The following SLC19A3 variants were observed in gnomAD, a reference collection of about 807,000 sequenced individuals.
The protein encoded by SLC19A3 is thiamine transporter 2.
In SLC19A3, 31 loss-of-function variants were observed where a neutral mutation model predicts 40.2. The ratio of observed to expected loss-of-function variants is 0.77; its 90% CI spans 0.58 to 1.04. The LOEUF is 1.04. Among genes scored for constraint, SLC19A3 ranks in the 50% least tolerant of loss-of-function variants. SLC19A3 has a pLI of 0.00. For missense variants in SLC19A3, 592 were observed against 596.7 expected (o/e 0.99, Z 0.08); for synonymous variants, 212 against 227.5 (o/e 0.93, Z 0.61).
intron 1 of SLC19A3, chr2:227,714,334 G>T: frequency 1.4e-6 from 1 of 707,744 alleles, no homozygotes; most frequent in Non-Finnish European, 1.7e-6. Flanking sequence ...TGCCCGTAAC[G>T]CAAAGCTAGG....
chr2:227,687,625 A>G (rs1293533319), intron 5 of SLC19A3, 52 bp from the exon 6 acceptor site: 2 of 1,571,356 alleles, frequency 1.3e-6, no homozygotes, highest in Admixed American at 1.7e-5. Flanking sequence ...ATCTATGTCA[A>G]TGATAATACA....
chr2:227,695,447 G>A (rs113291979), intron 4 of SLC19A3: 6,323 of 184,616 alleles, frequency 0.034, 422 homozygotes, highest in African/African-American at 0.14. Flanking sequence ...TACAAAATAC[G>A]AAAAATTAGC....
chr2:227,687,448 A>T lies in SLC19A3; in HGVS notation c.1440T>A (p.Asp480Glu), dbSNP rs1695058030. The T allele has an allele frequency of 6.2e-7, 1 of 1,614,004 alleles. No individual in the cohort carries two copies. Among genetic ancestry groups the T allele is most frequent in the Admixed American group, 1.7e-5 (1 of 59,998 alleles). ...TACTCTCTTCCTCTGGGTGAGACACATCTGGATTCTCACTTGGAGCAGGGC... is the reference window on the plus strand; with the variant it reads ...TACTCTCTTCCTCTGGGTGAGACACTTCTGGATTCTCACTTGGAGCAGGGC... Reference protein sequence around the residue: ...VQSPAPSENPDVSHPEEESNI... With the variant: ...VQSPAPSENPEVSHPEEESNI... Residue 480 changes from aspartate (D) to glutamate (E), a missense_variant, in exon 6 of 6, where the codon GAT (aspartate) becomes GAA (glutamate). Physicochemically the swap from Asp to Glu is conservative, Grantham distance 45. Coordinates refer to ENST00000644224, the MANE Select transcript of SLC19A3 (RefSeq NM_025243.4).
intron 1 of SLC19A3, among the ~76,000 whole-genome samples, chr2:227,715,676 G>GGA (rs1445859743): frequency 6.6e-6 from 1 of 152,062 alleles, no homozygotes; most frequent in Non-Finnish European, 1.5e-5. Context: ...CTAGTCTTAG[G>GGA]GAGAGCAGGA....
chr2:227,706,521 A>C, intron 1 of SLC19A3: 2 of 1,184,522 alleles, frequency 1.7e-6, no homozygotes, highest in South Asian at 8.8e-5. Flanking sequence ...TTGTAATCCC[A>C]GCGCTTTGGG....
chr2:227,690,060 T>C (rs1200391783), intron 4 of SLC19A3, among the ~76,000 whole-genome samples: 1 of 151,960 alleles, frequency 6.6e-6, no homozygotes, highest in Non-Finnish European at 1.5e-5. Flanking sequence ...AAAATCACCT[T>C]CACTAAAAGG....
chr2:227,717,933 A>T lies in SLC19A3; in HGVS notation c.-3+10T>A. 1.0e-6 allele frequency: 1 copy of T among 985,348 alleles called. No individual in the cohort carries two copies. The highest frequency in any genetic ancestry group is 1.2e-6 in the Non-Finnish European group (1 of 829,946). The allele number at this position is 985,348 out of a possible 1,614,324, so 61.0% of individuals were successfully genotyped here. A position where few individuals can be genotyped will look rare whatever the true frequency, so the allele number is the denominator to read the frequency against. On this transcript the variant is annotated intron_variant, in intron 1 of 5. Coordinates refer to ENST00000644224, the MANE Select transcript of SLC19A3 (RefSeq NM_025243.4). ...TTCTTCAATTAATTCGCCCCCCGAG[A>T]TATTCTTACCTACAGAAGGGAGTGT... is the stretch of plus-strand genomic sequence containing the variant.
intron 5 of SLC19A3, among the ~76,000 whole-genome samples, 166 bp downstream of exon 5, chr2:227,688,000 G>A (rs1467297940): frequency 1.3e-5 from 2 of 152,138 alleles, no homozygotes; most frequent in Non-Finnish European, 2.9e-5. Context: ...TGTCCTAGTT[G>A]CAATTATTGC....
intron 1 of SLC19A3, among the ~76,000 whole-genome samples, chr2:227,709,311 C>A (rs934496371): frequency 6.6e-6 from 1 of 152,026 alleles, no homozygotes; most frequent in Non-Finnish European, 1.5e-5. Context: ...GGTGAAACCC[C>A]GTCTCAAACT....
chr2:227,714,655 T>C, intron 1 of SLC19A3: 1 of 958,274 alleles, frequency 1.0e-6, no homozygotes, highest in Non-Finnish European at 1.2e-6. Flanking sequence ...TGGCTTTATG[T>C]ACTGGGGCCC....
At chr2:227,712,796 G>A (rs1288664628) in intron 1 of SLC19A3, among the ~76,000 whole-genome samples, 1 of 112,898 alleles carries the variant, frequency 8.9e-6, no homozygotes, top group Non-Finnish European at 1.9e-5. Context: ...AATTTGCTGT[G>A]CCAAGGAATC....
At chr2:227,691,996 T>C (rs1695249726) in intron 4 of SLC19A3, among the ~76,000 whole-genome samples, 2 of 149,998 alleles carry the variant, frequency 1.3e-5, no homozygotes, top group African/African-American at 5.1e-5. Flanking sequence ...AATTCCTATA[T>C]ACAAACAACC....
intron 1 of SLC19A3, among the ~76,000 whole-genome samples, chr2:227,704,510 A>C (rs1487957641): frequency 6.6e-6 from 1 of 152,194 alleles, no homozygotes; most frequent in Non-Finnish European, 1.5e-5. Flanking sequence ...TGGAGGACTA[A>C]AGGTAGTAAG....
In SLC19A3 at chr2:227,702,278, T is replaced by C. The variant is rs1247672714; in HGVS notation, c.41A>G (p.Tyr14Cys). 3.1e-6 allele frequency: 5 copies of C among 1,614,032 alleles called. No homozygotes were observed. The highest frequency in any genetic ancestry group is 4.2e-6 in the Non-Finnish European group (5 of 1,179,972). Residue 14 changes from tyrosine to cysteine, a missense_variant, in exon 2 of 6, where the codon TAC becomes TGC. Coordinates refer to ENST00000644224, the MANE Select transcript of SLC19A3 (RefSeq NM_025243.4). ...YRTSLSSSWI[Y>C]PTVILCLFGF... ...AAATAAGCAGAGGATCACAGTGGGG[T>C]AAATCCAGGAACTGCTTAGTGAAGT...
chr2:227,713,335 A>G (rs1442166697), intron 1 of SLC19A3, among the ~76,000 whole-genome samples: 4 of 150,388 alleles, frequency 2.7e-5, no homozygotes. Context: ...CCAGGATATC[A>G]AGGCTGCAGT....
rs185902365 is a variant in SLC19A3, at chr2:227,705,036, C to T, written c.-2-2716G>A. Among the ~76,000 whole-genome samples, 121 of 152,050 alleles carry T rather than the reference C, an allele frequency of 8.0e-4. 1 individual carries two copies. In the East Asian group the frequency reaches 0.023, roughly 29 times the overall value. On this transcript the variant is annotated intron_variant, in intron 1 of 5. Transcript: ENST00000644224. ...GCTGGGATTACAGGCACCCACCATG[C>T]CTGGCTAATTTTTGTGTTTTTAGTA... is the stretch of plus-strand genomic sequence containing the variant.
intron 4 of SLC19A3, among the ~76,000 whole-genome samples, chr2:227,691,370 G>C (rs907528155): frequency 6.6e-6 from 1 of 152,146 alleles, no homozygotes; most frequent in African/African-American, 2.4e-5. Context: ...ACTCTGCGAG[G>C]CTGAGGCAGA....
chr2:227,688,036 T>C lies in SLC19A3; in HGVS notation c.1314+130A>G, dbSNP rs560161712. On this transcript the variant is annotated intron_variant, in intron 5 of 5. Coordinates refer to ENST00000644224, the MANE Select transcript of SLC19A3 (RefSeq NM_025243.4). ...TCAAAACCTACTTGGTGTGTTATAA[T>C]ATGATAATGAAGGAATTATGTATTT... 18 of 1,004,756 alleles carry C rather than the reference T, an allele frequency of 1.8e-5. No homozygotes were observed. The South Asian group carries it at 2.1e-4, about 12-fold the overall frequency. 62.2% of individuals were successfully genotyped at this position (1,004,756 alleles called of 1,614,324 possible).
intron 1 of SLC19A3, among the ~76,000 whole-genome samples, chr2:227,710,096 C>T (rs1446896194): frequency 5.3e-5 from 8 of 152,154 alleles, no homozygotes; most frequent in South Asian, 2.1e-4. Flanking sequence ...ACTGATCTGA[C>T]GGGAGACGGA....
Sources: allele counts gnomAD v4.1 joint callset (sites outside exome capture counted in the v4.1 genomes callset), GRCh38; gene constraint gnomAD v4.1.1; transcripts MANE v1.5; gene names NCBI Gene and HGNC (gene_info 2026-07-23, HGNC 2026-07-21).